PRKN: variants seen among roughly 807,000 people sequenced by gnomAD.
PRKN encodes the protein E3 ubiquitin-protein ligase parkin.
PRKN carries 56 observed loss-of-function variants against 59.5 expected under a neutral mutation model. The observed-to-expected ratio is 0.94, with a 90% CI of 0.76 to 1.18. PRKN has a LOEUF of 1.18. PRKN is among the 50% of genes most tolerant of loss of function. The probability of loss-of-function intolerance (pLI) is 0.00; values close to 1 mark genes in which losing one functional copy is unlikely to be tolerated. For missense variants in PRKN, 657 were observed against 596.4 expected, an observed-to-expected ratio of 1.10 and a Z score of -1.06; for synonymous variants, 250 against 222.1, an observed-to-expected ratio of 1.13 and a Z score of -1.12.
chr6:161,637,088 C>T (rs1276907028), intron 7 of PRKN, among the ~76,000 whole-genome samples: 1 of 152,112 alleles, frequency 6.6e-6, no homozygotes, highest in African/African-American at 2.4e-5. Context: ...AAAGTAAATC[C>T]CTGTTGGTGG....
At chr6:162,370,490 T>C (rs1459590479) in intron 2 of PRKN, among the ~76,000 whole-genome samples, 1 of 152,150 alleles carries the variant, frequency 6.6e-6, no homozygotes, top group African/African-American at 2.4e-5. Context: ...TTACATTTTA[T>C]TACCAAACAA....
At chr6:161,798,772 G>C (rs1326611955) in intron 6 of PRKN, among the ~76,000 whole-genome samples, 1 of 152,146 alleles carries the variant, frequency 6.6e-6, no homozygotes, top group Non-Finnish European at 1.5e-5. Context: ...TAGTTTTAAG[G>C]CTCCTTTGTT....
intron 2 of PRKN, among the ~76,000 whole-genome samples, chr6:162,399,863 G>GA (rs1366681836): frequency 6.6e-6 from 1 of 151,944 alleles, no homozygotes; most frequent in Admixed American, 6.6e-5. Context: ...GAAAAAGATA[G>GA]AAAAAAGAAC....
intron 1 of PRKN, among the ~76,000 whole-genome samples, chr6:162,559,743 T>A (rs994752498): frequency 1.3e-5 from 2 of 152,362 alleles, no homozygotes; most frequent in Middle Eastern, 3.4e-3. Context: ...CATCTCCACC[T>A]GTACCTTAGC....
At chr6:162,021,142 ATATATATATATATATATATATAT>A (rs1163710976) in intron 5 of PRKN, among the ~76,000 whole-genome samples, 13,008 of 34,352 alleles carry the variant, frequency 0.38, 2,348 homozygotes, top group African/African-American at 0.5. Context: ...ATATATATAT[ATATATATATATATATATATATAT>A]AAAATATATG....
intron 6 of PRKN, among the ~76,000 whole-genome samples, chr6:161,808,643 C>A (rs3016543): frequency 2.5e-4 from 38 of 152,224 alleles, no homozygotes; most frequent in African/African-American, 8.9e-4. Context: ...AGAGATTAAA[C>A]TGCATTTTTA....
At chr6:162,303,589 A>G (rs1782068705) in intron 2 of PRKN, among the ~76,000 whole-genome samples, 1 of 150,688 alleles carries the variant, frequency 6.6e-6, no homozygotes, top group Non-Finnish European at 1.5e-5. Context: ...AAATTGGTTA[A>G]AACTAATAAA....
intron 9 of PRKN, among the ~76,000 whole-genome samples, chr6:161,392,101 T>C (rs977513520): frequency 1.3e-5 from 2 of 151,954 alleles, no homozygotes; most frequent in Non-Finnish European, 2.9e-5. Context: ...AAAGCTCCTA[T>C]AGAAACAAAT....
At chr6:162,717,208 G>C (rs1354978270) in intron 1 of PRKN, among the ~76,000 whole-genome samples, 1 of 152,162 alleles carries the variant, frequency 6.6e-6, no homozygotes, top group African/African-American at 2.4e-5. Flanking sequence ...CTCCAGAAGT[G>C]AAAGAGGAGT....
chr6:161,709,445 C>T (rs967292426), intron 7 of PRKN, among the ~76,000 whole-genome samples: 3 of 152,178 alleles, frequency 2.0e-5, no homozygotes, highest in Admixed American at 1.3e-4. Flanking sequence ...GCTTTTCTCT[C>T]ATAACACATA....
intron 6 of PRKN, among the ~76,000 whole-genome samples, chr6:161,818,957 G>A (rs2128215592): frequency 6.6e-6 from 1 of 152,266 alleles, no homozygotes; most frequent in East Asian, 1.9e-4. Flanking sequence ...CATGTACTGT[G>A]GTTAGGCCTG....
At chr6:161,757,902 C>T (rs1344952587) in intron 7 of PRKN, among the ~76,000 whole-genome samples, 25 of 110,378 alleles carry the variant, frequency 2.3e-4, no homozygotes, top group East Asian at 1.4e-3. Flanking sequence ...CACACACACA[C>T]ACACACACAC....
chr6:162,031,505 CAA>C (rs1339932075), intron 5 of PRKN, among the ~76,000 whole-genome samples: 2 of 150,554 alleles, frequency 1.3e-5, no homozygotes, highest in East Asian at 3.9e-4. Flanking sequence ...AAAAGGCTGC[CAA>C]AAGAGTCACT....
intron 1 of PRKN, among the ~76,000 whole-genome samples, chr6:162,710,078 A>G (rs1201747435): frequency 2.0e-5 from 3 of 152,148 alleles, no homozygotes; most frequent in Admixed American, 2.0e-4. Flanking sequence ...GTGGCTGCTG[A>G]GCCAGGGGTC....
chr6:161,629,546 T>C (rs1582913492), intron 7 of PRKN, among the ~76,000 whole-genome samples: 1 of 152,238 alleles, frequency 6.6e-6, no homozygotes, highest in South Asian at 2.1e-4. Context: ...TGAAGTCAGA[T>C]TATCCAGTGG....
In PRKN at chr6:161,915,519, G is replaced by A. The variant is rs954666788; in HGVS notation, c.734+57783C>T. On this transcript the variant is annotated intron_variant, in intron 6 of 11. Coordinates refer to ENST00000366898, the MANE Select transcript of PRKN (RefSeq NM_004562.3). ...TTCAAGCCTTTATATCAAGGTGGTAGGATTGTTCATCTCTTTTGTGTCAAC... is the reference window on the plus strand; with the variant it reads ...TTCAAGCCTTTATATCAAGGTGGTAAGATTGTTCATCTCTTTTGTGTCAAC... Among the ~76,000 whole-genome samples, 22 of 152,258 alleles carry A rather than the reference G, an allele frequency of 1.4e-4. 1 individual carries two copies. Among genetic ancestry groups the A allele is most frequent in the Admixed American group, 1.2e-3 (19 of 15,296 alleles).
At chr6:161,432,532 A>ATTTT (rs767620173) in intron 9 of PRKN, among the ~76,000 whole-genome samples, 8 of 125,492 alleles carry the variant, frequency 6.4e-5, no homozygotes, top group Admixed American at 8.3e-5. Flanking sequence ...TGCCCAGCTA[A>ATTTT]TTTTTTTTTT....
chr6:161,874,817 T>TATAATATATAAAATATAC (rs1414955775), intron 6 of PRKN, among the ~76,000 whole-genome samples: 349 of 25,356 alleles, frequency 0.014, 6 homozygotes, highest in Non-Finnish European at 0.021. Context: ...ATATAAAATG[T>TATAATATATAAAATATAC]ATAATATATA....
At chr6:161,710,356 GT>G (rs1486981485) in intron 7 of PRKN, among the ~76,000 whole-genome samples, 1 of 152,122 alleles carries the variant, frequency 6.6e-6, no homozygotes, top group Non-Finnish European at 1.5e-5. Context: ...ACGTAAACCC[GT>G]CCTAAGTTGA....
Sources: gnomAD v4.1 joint callset for allele counts (sites outside exome capture counted in the v4.1 genomes callset) on GRCh38, gnomAD v4.1.1 for gene constraint, MANE v1.5 for transcripts, NCBI Gene and HGNC (gene_info 2026-07-23, HGNC 2026-07-21) for gene names.